The following RNF2 variants were observed in gnomAD, a reference collection of about 807,000 sequenced individuals.
RNF2 encodes E3 ubiquitin-protein ligase RING2.
A neutral mutation model predicts 37.2 loss-of-function variants in RNF2; 6 were observed. The ratio of observed to expected loss-of-function variants is 0.16; its 90% CI spans 0.09 to 0.32. RNF2 has a LOEUF of 0.32. Among genes scored for constraint, RNF2 ranks in the 10% least tolerant of loss-of-function variants. The pLI is 1.00. For synonymous variants in RNF2, 133 were observed against 132.7 expected, an observed-to-expected ratio of 1.00 and a Z score of -0.02; for missense variants, 251 against 404.0, an observed-to-expected ratio of 0.62 and a Z score of 3.25.
intron 1 of RNF2, among the ~76,000 whole-genome samples, chr1:185,071,086 G>T (rs1158765039): frequency 7.2e-5 from 11 of 152,164 alleles, no homozygotes; most frequent in African/African-American, 2.4e-4. Flanking sequence ...TGGAATAAAG[G>T]AGGGAGGGTA....
At chr1:185,082,024 C>T (rs1005612163) in intron 1 of RNF2, among the ~76,000 whole-genome samples, 1 of 152,096 alleles carries the variant, frequency 6.6e-6, no homozygotes, top group Non-Finnish European at 1.5e-5. Context: ...TCACTAGTTA[C>T]CAAATAAAAT....
chr1:185,097,502 T>C (rs1651945001), intron 4 of RNF2, among the ~76,000 whole-genome samples: 1 of 152,226 alleles, frequency 6.6e-6, no homozygotes, highest in African/African-American at 2.4e-5. Context: ...AATATAAAGA[T>C]TTGTCAATTA....
chr1:185,092,033 C>G (rs945958643), intron 3 of RNF2: 1 of 234,078 alleles, frequency 4.3e-6, no homozygotes, highest in African/African-American at 2.3e-5. Flanking sequence ...ACTTGTTGGC[C>G]AGGTTTCAGC....
intron 1 of RNF2, among the ~76,000 whole-genome samples, chr1:185,085,497 C>G (rs558022799): frequency 1.3e-5 from 2 of 152,180 alleles, no homozygotes; most frequent in East Asian, 3.9e-4. Context: ...AATTCCGTCT[C>G]TGTGTCCATG....
Position 185,087,536 on chromosome 1 carries a change from T to C in RNF2, c.-2-16T>C. ...TCCAAATACTAAAATTGTTTTTCTC[T>C]CTTCTTTATTTCCAGCAATGTCTCA... On this transcript the variant is annotated splice_polypyrimidine_tract_variant and intron_variant, in intron 1 of 6. Coordinates refer to ENST00000367510, the MANE Select transcript of RNF2 (RefSeq NM_007212.4). The C allele has an allele frequency of 6.2e-7, 1 of 1,612,174 alleles. No individual in the cohort carries two copies. The highest frequency in any genetic ancestry group is 1.3e-5 in the African/African-American group (1 of 75,028).
chr1:185,068,371 A>C (rs1571304355), intron 1 of RNF2, among the ~76,000 whole-genome samples: 1 of 152,188 alleles, frequency 6.6e-6, no homozygotes, highest in South Asian at 2.1e-4. Context: ...GGTTCTTTGC[A>C]TGTGTAATTA....
Position 185,100,597 on chromosome 1 carries a change from G to A in RNF2, c.*296G>A, listed in dbSNP as rs1319751318. On this transcript the variant is annotated 3_prime_UTR_variant, in exon 7 of 7. Transcript: ENST00000367510. ...CCACTTGGAGCACCATTTTGACCCAGGAATTTTTCATAGTTTCTGTATTCT... is the reference window on the plus strand; with the variant it reads ...CCACTTGGAGCACCATTTTGACCCAAGAATTTTTCATAGTTTCTGTATTCT... 6 of 210,972 alleles carry A rather than the reference G, an allele frequency of 2.8e-5. No individual in the cohort carries two copies. The highest frequency in any genetic ancestry group is 3.7e-4 in the South Asian group (2 of 5,470). The allele number at this position is 210,972 out of a possible 1,614,324, so 13.1% of individuals were successfully genotyped here.
chr1:185,051,271 A>G (rs551227657), intron 1 of RNF2, among the ~76,000 whole-genome samples: 2 of 152,328 alleles, frequency 1.3e-5, no homozygotes, highest in East Asian at 3.9e-4. Flanking sequence ...TGTTTTCTAG[A>G]AGGCTTTACT....
At chr1:185,099,111 G>C (rs539693301) in intron 5 of RNF2, among the ~76,000 whole-genome samples, 1 of 150,544 alleles carries the variant, frequency 6.6e-6, no homozygotes, top group African/African-American at 2.4e-5. Flanking sequence ...GAGTACAGTG[G>C]CACAATCTTG....
intron 1 of RNF2, among the ~76,000 whole-genome samples, chr1:185,058,277 T>C (rs971050651): frequency 3.3e-5 from 5 of 152,346 alleles, no homozygotes; most frequent in Non-Finnish European, 7.3e-5. Flanking sequence ...CCATTTTATT[T>C]ATGTAAGGGA....
chr1:185,060,997 G>A (rs1022636493), intron 1 of RNF2, among the ~76,000 whole-genome samples: 33 of 152,050 alleles, frequency 2.2e-4, no homozygotes, highest in African/African-American at 7.0e-4. Flanking sequence ...TGAGTCTGTA[G>A]TCCTAGCTGC....
intron 1 of RNF2, among the ~76,000 whole-genome samples, chr1:185,074,812 G>T (rs1335768912): frequency 2.0e-5 from 3 of 152,058 alleles, no homozygotes; most frequent in Non-Finnish European, 4.4e-5. Flanking sequence ...GTAATCTAGA[G>T]ATGATTTAAA....
chr1:185,091,816 T>TTA, intron 3 of RNF2, 77 bp downstream of exon 3: 1 of 1,388,582 alleles, frequency 7.2e-7, no homozygotes, highest in Non-Finnish European at 9.8e-7. Context: ...GAAATACATT[T>TTA]TCTTTTTTTT....
At chr1:185,046,501 A>C (rs138766472) in intron 1 of RNF2, among the ~76,000 whole-genome samples, 70 of 152,290 alleles carry the variant, frequency 4.6e-4, no homozygotes, top group African/African-American at 1.6e-3. Context: ...AATTGATCTC[A>C]AACTTTGAGG....
chr1:185,084,513 C>A (rs150695049), intron 1 of RNF2, among the ~76,000 whole-genome samples: 1 of 152,298 alleles, frequency 6.6e-6, no homozygotes, highest in African/African-American at 2.4e-5. Flanking sequence ...CCCCTTCTTA[C>A]TTTTGCAAGA....
intron 1 of RNF2, among the ~76,000 whole-genome samples, chr1:185,054,468 CCTT>C (rs1338885631): frequency 1.3e-5 from 2 of 152,132 alleles, no homozygotes; most frequent in South Asian, 2.1e-4. Flanking sequence ...GGCAAGCAGG[CCTT>C]CTTCTCCCAT....
chr1:185,060,940 G>A (rs1650578711), intron 1 of RNF2, among the ~76,000 whole-genome samples: 2 of 151,970 alleles, frequency 1.3e-5, no homozygotes, highest in Non-Finnish European at 2.9e-5. Context: ...GCAACATAGC[G>A]AGATCCCATC....
rs1652044762 is a variant in RNF2 at position 185,100,400 on chromosome 1, G to A, written c.*99G>A. On this transcript the variant is annotated 3_prime_UTR_variant, in exon 7 of 7. Transcript: ENST00000367510. ...ACTTTTATGGACAGATCTTGGATAT[G>A]TTGTTCAATTTTCTTTCTGAGCCAG... 1.0e-5 allele frequency: 7 copies of A among 676,136 alleles called. No homozygotes were observed. In the South Asian group the frequency reaches 1.6e-4, roughly 16 times the overall value. The allele number at this position is 676,136 out of a possible 1,614,324, so 41.9% of individuals were successfully genotyped here.
At chr1:185,096,835 T>A (rs1266461264) in intron 4 of RNF2, among the ~76,000 whole-genome samples, 1 of 137,282 alleles carries the variant, frequency 7.3e-6, no homozygotes, top group Admixed American at 7.3e-5. Context: ...ATAAGCAGGA[T>A]TTTTTTTTTT....
Sources: allele counts gnomAD v4.1 joint callset (sites outside exome capture counted in the v4.1 genomes callset), GRCh38; gene constraint gnomAD v4.1.1; transcripts MANE v1.5; gene names NCBI Gene and HGNC (gene_info 2026-07-23, HGNC 2026-07-21).